The following PCSK5 variants were observed in gnomAD, a reference collection of about 807,000 sequenced individuals.
PCSK5 encodes the protein prohormone convertase 5.
PCSK5 carries 129 observed loss-of-function variants against 233.2 expected under a neutral mutation model. That is an observed-to-expected ratio of 0.55 (90% CI 0.48 to 0.64). PCSK5 has a LOEUF of 0.64. PCSK5 is among the 30% of genes least tolerant of loss of function. PCSK5 has a pLI of 0.00. For missense variants in PCSK5, 2,076 were observed against 2,430.1 expected, an observed-to-expected ratio of 0.85 and a Z score of 3.06; for synonymous variants, 825 against 879.2, an observed-to-expected ratio of 0.94 and a Z score of 1.09.
At chr9:75,935,069 A>T (rs967284455) in intron 2 of PCSK5, among the ~76,000 whole-genome samples, 18 of 151,596 alleles carry the variant, frequency 1.2e-4, no homozygotes, top group Middle Eastern at 3.4e-3. Context: ...ACATTTTTTT[A>T]TTTTTATTTT....
intron 20 of PCSK5, among the ~76,000 whole-genome samples, chr9:76,212,322 A>G (rs1309392895): frequency 1.3e-5 from 2 of 152,042 alleles, no homozygotes; most frequent in Admixed American, 1.3e-4. Flanking sequence ...TCTGCACTAT[A>G]TTTTGCTCCA....
intron 33 of PCSK5, among the ~76,000 whole-genome samples, chr9:76,329,657 A>C (rs1311945864): frequency 6.6e-6 from 1 of 151,938 alleles, no homozygotes; most frequent in Non-Finnish European, 1.5e-5. Context: ...ACATGATGAA[A>C]TCCCATCTCT....
intron 21 of PCSK5, among the ~76,000 whole-genome samples, chr9:76,231,153 A>C (rs751556996): frequency 3.9e-5 from 6 of 152,188 alleles, no homozygotes; most frequent in Non-Finnish European, 5.9e-5. Flanking sequence ...TCATGGCAGA[A>C]GGCAAAGGGG....
intron 2 of PCSK5, among the ~76,000 whole-genome samples, chr9:75,942,884 TC>T (rs141868639): frequency 0.33 from 40,107 of 122,092 alleles, 8,143 homozygotes; most frequent in African/African-American, 0.39. Flanking sequence ...TTCTTCTTCT[TC>T]TTTTTTTTTT....
intron 28 of PCSK5, among the ~76,000 whole-genome samples, chr9:76,307,948 A>G (rs759802353): frequency 6.6e-6 from 1 of 152,296 alleles, no homozygotes; most frequent in Non-Finnish European, 1.5e-5. Flanking sequence ...CTGTAATCCC[A>G]GCAGTTTGGG....
chr9:75,927,355 A>C (rs916793148), intron 1 of PCSK5, among the ~76,000 whole-genome samples: 6 of 152,278 alleles, frequency 3.9e-5, no homozygotes, highest in African/African-American at 9.6e-5. Flanking sequence ...TGAAGAAGGC[A>C]GGAGGGAAAA....
At chr9:76,033,019 T>A (rs1475781758) in intron 5 of PCSK5, among the ~76,000 whole-genome samples, 2 of 152,222 alleles carry the variant, frequency 1.3e-5, no homozygotes, top group Non-Finnish European at 2.9e-5. Context: ...CAAGGAAGCT[T>A]TAACCAGGGT....
At chr9:76,162,654 T>G (rs1442375409) in intron 12 of PCSK5, among the ~76,000 whole-genome samples, 1 of 152,184 alleles carries the variant, frequency 6.6e-6, no homozygotes, top group Non-Finnish European at 1.5e-5. Context: ...AAGTCAAGAT[T>G]TCTCAGGAGG....
At chr9:76,189,489 A>C (rs1350559628) in intron 19 of PCSK5, 142 bp from the exon 20 acceptor site, 1 of 656,784 alleles carries the variant, frequency 1.5e-6, no homozygotes, top group Non-Finnish European at 2.7e-6. Context: ...TGTGTCACCT[A>C]ACCTAGCAAT....
rs149249222 is a variant in PCSK5, at chr9:75,899,946, A to G, written c.192+8573A>G. 2.3e-3 allele frequency among the ~76,000 whole-genome samples: 346 copies of G among 152,314 alleles called. 2 individuals carry two copies. The highest frequency in any genetic ancestry group is 3.5e-3 in the Non-Finnish European group (241 of 68,010). The stretch of plus-strand genomic sequence containing the variant: ...TGTGCAGTAGTGAGAAGTGCTATAG[A>G]AAGAATCCAGGAGGATGTGTGTAAA... On this transcript the variant is annotated intron_variant, in intron 1 of 37. Transcript: ENST00000674117.
intron 14 of PCSK5, 132 bp downstream of exon 14, chr9:76,175,261 G>GAATCGAATCGAATCGAATC (rs757204695): frequency 5.8e-5 from 40 of 685,916 alleles, no homozygotes; most frequent in Non-Finnish European, 8.8e-5. Flanking sequence ...GGAATGGAAT[G>GAATCGAATCGAATCGAATC]GAATGGAATG....
At chr9:75,914,176 A>T (rs1204540583) in intron 1 of PCSK5, among the ~76,000 whole-genome samples, 2 of 152,172 alleles carry the variant, frequency 1.3e-5, no homozygotes, top group African/African-American at 4.8e-5. Context: ...AACAGATTTA[A>T]ACCAATTATT....
intron 9 of PCSK5, among the ~76,000 whole-genome samples, chr9:76,116,931 G>C (rs1832447518): frequency 6.6e-6 from 1 of 152,146 alleles, no homozygotes; most frequent in Non-Finnish European, 1.5e-5. Flanking sequence ...TTTCCCTACA[G>C]TTATTCAAAA....
In PCSK5 at chr9:75,935,701, T is replaced by C. The variant is rs144304695; in HGVS notation, c.297+3218T>C. The stretch of plus-strand genomic sequence containing the variant: ...TTTTTCTTTCATAAGCTAGAAATCA[T>C]TTAACAAGTACAAGCCAGTTATTTT... On this transcript the variant is annotated intron_variant, in intron 2 of 37. Coordinates refer to ENST00000674117, the MANE Select transcript of PCSK5 (RefSeq NM_001372043.1). Among the ~76,000 whole-genome samples, 827 of 152,314 alleles carry C rather than the reference T, an allele frequency of 5.4e-3. 6 individuals carry two copies. The highest frequency in any genetic ancestry group is 0.018 in the African/African-American group (743 of 41,574).
chr9:75,943,464 A>C (rs907374430), intron 2 of PCSK5, among the ~76,000 whole-genome samples: 3 of 152,210 alleles, frequency 2.0e-5, no homozygotes, highest in African/African-American at 7.2e-5. Flanking sequence ...CTTTATTTTA[A>C]TGAATGCAAG....
In PCSK5 at chr9:76,026,469, G is replaced by A. The variant is rs76357497; in HGVS notation, c.556-492G>A. ...AAAGATCGAATATTGATTTTTAATT[G>A]GCTTGCCAATGATATGTGAATGATT... On this transcript the variant is annotated intron_variant, in intron 4 of 37. Transcript: ENST00000674117. Among the ~76,000 whole-genome samples, 71 of 152,200 alleles carry A rather than the reference G, an allele frequency of 4.7e-4. No individual in the cohort carries two copies. The East Asian group carries it at 0.013, about 27-fold the overall frequency.
At chr9:75,974,652 G>A (rs1240860525) in intron 2 of PCSK5, among the ~76,000 whole-genome samples, 2 of 152,090 alleles carry the variant, frequency 1.3e-5, no homozygotes, top group Admixed American at 6.6e-5. Context: ...TTACAGTTCA[G>A]GAAAAAGGAA....
chr9:76,185,754 C>T (rs910715346), intron 17 of PCSK5, among the ~76,000 whole-genome samples: 1 of 152,108 alleles, frequency 6.6e-6, no homozygotes, highest in African/African-American at 2.4e-5. Flanking sequence ...TCCTCCTCTG[C>T]TATTTATTAA....
intron 2 of PCSK5, among the ~76,000 whole-genome samples, chr9:75,955,195 A>G (rs1239492038): frequency 6.6e-6 from 1 of 152,188 alleles, no homozygotes; most frequent in African/African-American, 2.4e-5. Flanking sequence ...AGACTCGGAG[A>G]GGCCCGGTTA....
Sources: allele counts gnomAD v4.1 joint callset (sites outside exome capture counted in the v4.1 genomes callset), GRCh38; gene constraint gnomAD v4.1.1; transcripts MANE v1.5; gene names NCBI Gene and HGNC (gene_info 2026-07-23, HGNC 2026-07-21).